SIGLECL1: variants seen among roughly 807,000 people sequenced by gnomAD.
The protein encoded by SIGLECL1 is SIGLEC family-like protein 1.
SIGLECL1 carries 16 observed loss-of-function variants against 19.1 expected under a neutral mutation model. The observed-to-expected ratio is 0.84, with a 90% CI of 0.57 to 1.27. The LOEUF (loss-of-function observed/expected upper bound fraction) is 1.27, where lower values mean the gene tolerates loss of function less well. SIGLECL1 is among the 50% of genes most tolerant of loss of function. The probability of loss-of-function intolerance (pLI) is 0.00; values close to 1 mark genes in which losing one functional copy is unlikely to be tolerated. For missense variants in SIGLECL1, 210 were observed against 239.4 expected (o/e 0.88, Z 0.81); for synonymous variants, 89 against 90.4 (o/e 0.98, Z 0.09).
chr19:51,262,814 A>G (rs1258233163), intron 1 of SIGLECL1, among the ~76,000 whole-genome samples: 1 of 152,240 alleles, frequency 6.6e-6, no homozygotes, highest in East Asian at 1.9e-4. Context: ...CTAACCATAT[A>G]GCCTGTCCCA....
intron 1 of SIGLECL1, among the ~76,000 whole-genome samples, chr19:51,256,348 G>A (rs568880005): frequency 8.5e-4 from 129 of 152,224 alleles, no homozygotes; most frequent in African/African-American, 3.0e-3. Context: ...CCTTAAAAAA[G>A]GACATCTTGC....
At chr19:51,257,500 T>C (rs1262417403) in intron 1 of SIGLECL1, among the ~76,000 whole-genome samples, 1 of 152,084 alleles carries the variant, frequency 6.6e-6, no homozygotes, top group African/African-American at 2.4e-5. Flanking sequence ...AACATAGAGA[T>C]CGCTGCTATT....
rs2123439870 is a variant in SIGLECL1, at chr19:51,264,047, C to T, written c.-26C>T. 7 of 1,613,754 alleles carry T rather than the reference C, an allele frequency of 4.3e-6. No individual in the cohort carries two copies. The highest frequency in any genetic ancestry group is 5.9e-6 in the Non-Finnish European group (7 of 1,179,850). On this transcript the variant is annotated 5_prime_UTR_variant, in exon 2 of 6. Coordinates refer to ENST00000601727, the MANE Select transcript of SIGLECL1 (RefSeq NM_001385465.1). ...AGTGTAGTAAAGAGCTTCTGCTGTT[C>T]CTGAGAACTGTTGCTGCTGGAAGTG... is the stretch of plus-strand genomic sequence containing the variant.
rs987606343 is a variant in SIGLECL1, at chr19:51,251,187, C to A, written c.-549C>A. 6.6e-6 allele frequency: 1 copy of A among 152,536 alleles called. No individual in the cohort carries two copies. The highest frequency in any genetic ancestry group is 1.5e-5 in the Non-Finnish European group (1 of 68,256). The allele number at this position is 152,536 out of a possible 1,614,324, so 9.4% of individuals were successfully genotyped here. On this transcript the variant is annotated 5_prime_UTR_variant, in exon 1 of 6. Transcript: ENST00000601727. The stretch of plus-strand genomic sequence containing the variant: ...GGATCCCTAGTCGCATAAGGCTGTG[C>A]CTGGCCTGTTGGCGTCCCTGGCAGT...
In SIGLECL1 at chr19:51,265,409, A is replaced by T. The variant is rs776429563; in HGVS notation, c.64A>T (p.Thr22Ser). 3 of 1,613,948 alleles carry T rather than the reference A, an allele frequency of 1.9e-6. No homozygotes were observed. Among genetic ancestry groups the T allele is most frequent in the Non-Finnish European group, 2.5e-6 (3 of 1,179,948 alleles). Residue 22 changes from threonine (T) to serine (S), a missense_variant, in exon 3 of 6, where the codon ACA becomes TCA. Coordinates refer to ENST00000601727, the MANE Select transcript of SIGLECL1 (RefSeq NM_001385465.1). ...LLNSSCSLEK[T>S]LQCSCSFHGI... ...CAACTCCTCTTGCTCCTTGGAGAAG[A>T]CACTGCAGTGCAGCTGTTCCTTCCA...
intron 4 of SIGLECL1, 98 bp downstream of exon 4, chr19:51,265,980 CAAG>C (rs1983641946): frequency 8.3e-7 from 1 of 1,211,300 alleles, no homozygotes. Flanking sequence ...CCCCTCCCCT[CAAG>C]GAGCTTAGGG....
intron 2 of SIGLECL1, chr19:51,264,400 T>C (rs1983481355): frequency 3.2e-6 from 1 of 310,596 alleles, no homozygotes; most frequent in South Asian, 4.4e-5. Context: ...TTTTTCAGTG[T>C]TTCTGTGGGC....
upstream of SIGLECL1, among the ~76,000 whole-genome samples, chr19:51,249,271 C>T (rs1396508959): frequency 6.6e-6 from 1 of 152,056 alleles, no homozygotes; most frequent in Non-Finnish European, 1.5e-5. Context: ...CTGATAATAT[C>T]AATTACAAAG....
At chr19:51,264,621 T>C (rs939810995) in intron 2 of SIGLECL1, among the ~76,000 whole-genome samples, 3 of 152,182 alleles carry the variant, frequency 2.0e-5, no homozygotes, top group Admixed American at 6.5e-5. Flanking sequence ...TGAAGACAGA[T>C]TCCTCATTAT....
intron 1 of SIGLECL1, among the ~76,000 whole-genome samples, chr19:51,259,088 CAG>C (rs1473306671): frequency 6.6e-6 from 1 of 152,020 alleles, no homozygotes; most frequent in African/African-American, 2.4e-5. Flanking sequence ...GTAAAATAGT[CAG>C]GGGATGGATA....
chr19:51,265,727 G>A (rs1199283736), intron 3 of SIGLECL1, 50 bp from the exon 4 acceptor site: 2 of 1,613,514 alleles, frequency 1.2e-6, no homozygotes, highest in South Asian at 1.1e-5. Context: ...AGAGAATGGA[G>A]CAGAGTTTTG....
At chr19:51,263,706 C>T (rs539843118) in intron 1 of SIGLECL1, among the ~76,000 whole-genome samples, 177 bp from the exon 2 acceptor site, 24 of 151,826 alleles carry the variant, frequency 1.6e-4, no homozygotes, top group East Asian at 3.9e-4. Context: ...TGCAGTGAGC[C>T]GAGATCGAGC....
At chr19:51,258,132 T>C (rs886610369) in intron 1 of SIGLECL1, among the ~76,000 whole-genome samples, 12 of 152,190 alleles carry the variant, frequency 7.9e-5, no homozygotes, top group Middle Eastern at 3.2e-3. Flanking sequence ...TGAGTACTTC[T>C]AGTGAATTAC....
At chr19:51,253,079 T>C (rs1228105428) in intron 1 of SIGLECL1, among the ~76,000 whole-genome samples, 2 of 151,136 alleles carry the variant, frequency 1.3e-5, no homozygotes, top group Non-Finnish European at 2.9e-5. Flanking sequence ...GTGAGCCATG[T>C]TCATGCCACT....
At chr19:51,258,267 A>C (rs957794181) in intron 1 of SIGLECL1, among the ~76,000 whole-genome samples, 1 of 152,152 alleles carries the variant, frequency 6.6e-6, no homozygotes, top group African/African-American at 2.4e-5. Flanking sequence ...CCATTCCCTA[A>C]CTTTTCAGTT....
intron 2 of SIGLECL1, 49 bp downstream of exon 2, chr19:51,264,143 TCCAGGG>T: frequency 3.7e-6 from 6 of 1,611,432 alleles, no homozygotes; most frequent in Non-Finnish European, 5.1e-6. Context: ...AAGCCAAGAC[TCCAGGG>T]CCTGGGTGTT....
At chr19:51,255,994 T>C (rs955460815) in intron 1 of SIGLECL1, 2 of 152,184 alleles carry the variant, frequency 1.3e-5, no homozygotes, top group Non-Finnish European at 2.9e-5. Flanking sequence ...CCTGTGTTCA[T>C]TGCAGCATTA....
intron 3 of SIGLECL1, 25 bp from the exon 4 acceptor site, chr19:51,265,752 C>T (rs772468283): frequency 1.2e-6 from 2 of 1,613,968 alleles, no homozygotes; most frequent in Admixed American, 3.3e-5. Flanking sequence ...CGATGCCAAA[C>T]TTCTCACATG....
chr19:51,264,319 A>G, intron 2 of SIGLECL1: 2 of 509,040 alleles, frequency 3.9e-6, no homozygotes, highest in Non-Finnish European at 7.0e-6. Context: ...AGGGATGGAG[A>G]GTGTAGGTGC....
Sources: gnomAD v4.1 joint callset for allele counts (sites outside exome capture counted in the v4.1 genomes callset) on GRCh38, gnomAD v4.1.1 for gene constraint, MANE v1.5 for transcripts, NCBI Gene and HGNC (gene_info 2026-07-23, HGNC 2026-07-21) for gene names.